DHX57: variants seen among roughly 807,000 people sequenced by gnomAD.
DHX57 encodes the protein putative ATP-dependent RNA helicase DHX57.
Under a neutral mutation model 156.2 loss-of-function variants are expected in DHX57, and 105 were observed. The observed-to-expected ratio is 0.67, with a 90% CI of 0.57 to 0.79. The LOEUF (loss-of-function observed/expected upper bound fraction) is 0.79. Ranked by LOEUF, DHX57 falls within the 30% of genes least tolerant of loss-of-function variation. The pLI is 0.00. For synonymous variants in DHX57, 704 were observed against 595.6 expected (o/e 1.18, Z -2.65); for missense variants, 1,847 against 1,661.9 (o/e 1.11, Z -1.94).
At chr2:38,827,485 C>CAAAAAAAA (rs1196817843) in intron 14 of DHX57, among the ~76,000 whole-genome samples, 2 of 8,512 alleles carry the variant, frequency 2.3e-4, no homozygotes, top group African/African-American at 5.2e-4. Context: ...GACTCTGTCT[C>CAAAAAAAA]AAAAAAAAAA....
chr2:38,827,527 TATATATAC>T (rs1351283006), intron 14 of DHX57, among the ~76,000 whole-genome samples: 14 of 55,494 alleles, frequency 2.5e-4, no homozygotes, highest in South Asian at 1.3e-3. Context: ...TATATATATA[TATATATAC>T]ACACATACAT....
At chr2:38,807,907 A>G (rs1343174728) in intron 21 of DHX57, among the ~76,000 whole-genome samples, 1 of 148,288 alleles carries the variant, frequency 6.7e-6, no homozygotes, top group Non-Finnish European at 1.5e-5. Flanking sequence ...CTGTCTCCCA[A>G]AGTGCTGGGA....
chr2:38,854,570 T>TTC (rs1293968651), intron 8 of DHX57: 1 of 157,536 alleles, frequency 6.3e-6, no homozygotes, highest in African/African-American at 2.4e-5. Flanking sequence ...TTTTTTTTTT[T>TTC]TTTTTTTTGA....
chr2:38,875,728 G>T (rs1389481432), intron 1 of DHX57, 59 bp downstream of exon 1: 3 of 274,940 alleles, frequency 1.1e-5, no homozygotes, highest in Non-Finnish European at 1.4e-5. Context: ...GACAAACAGG[G>T]TGACGCGCAC....
intron 16 of DHX57, among the ~76,000 whole-genome samples, chr2:38,824,001 ACT>A (rs1317613080): frequency 1.3e-5 from 2 of 150,606 alleles, no homozygotes; most frequent in African/African-American, 2.4e-5. Flanking sequence ...ACTGAGCAAG[ACT>A]CTGTTTCCAC....
At chr2:38,822,081 T>A (rs2148557678) in intron 17 of DHX57, among the ~76,000 whole-genome samples, 1 of 152,260 alleles carries the variant, frequency 6.6e-6, no homozygotes, top group East Asian at 1.9e-4. Flanking sequence ...TACTAAACAT[T>A]TAATGATAAT....
chr2:38,859,778 T>A (rs1673091662), intron 5 of DHX57, among the ~76,000 whole-genome samples: 1 of 151,280 alleles, frequency 6.6e-6, no homozygotes, highest in South Asian at 2.1e-4. Flanking sequence ...CTTTTGTTTC[T>A]CTGGAAGAAA....
intron 20 of DHX57, 87 bp downstream of exon 20, chr2:38,815,434 A>G: frequency 6.5e-7 from 1 of 1,547,056 alleles, no homozygotes; most frequent in Non-Finnish European, 8.8e-7. Context: ...GGCTTAAGTG[A>G]AGAAGAATGT....
rs1665185168 is a variant in DHX57 at position 38,868,304 on chromosome 2, A to G, written c.102T>C (p.His34=). Residue 34 remains histidine (H), a synonymous_variant, in exon 2 of 24, where the codon CAT becomes CAC. Coordinates refer to ENST00000457308, the MANE Select transcript of DHX57 (RefSeq NM_198963.3). The part of the protein sequence containing the change: ...RGGRSHASKS[H]GSGGGGGGGG... ...CACCACCGCCACCGCCACCACTCCC[A>G]TGAGATTTACTGGCGTGACTCCTGC... 3 of 1,494,274 alleles carry G rather than the reference A, an allele frequency of 2.0e-6. No homozygotes were observed. The highest frequency in any genetic ancestry group is 2.7e-6 in the Non-Finnish European group (3 of 1,104,312). 92.6% of individuals were successfully genotyped at this position (1,494,274 alleles called of 1,614,324 possible).
In DHX57 at chr2:38,823,231, T is replaced by C. The variant is rs116823078; in HGVS notation, c.3053A>G (p.Gln1018Arg). The C allele has an allele frequency of 1.9e-4, 312 of 1,614,132 alleles. No homozygotes were observed. In the African/African-American group the frequency reaches 3.7e-3, roughly 19 times the overall value. Reference protein sequence around the residue: ...ILEMFSAHNLQSVFSRLIEPP... With the variant: ...ILEMFSAHNLRSVFSRLIEPP... ...TTCAATGAGCCGAGAGAACACAGAC[T>C]GGAGATTATGAGCACTAAACATCTC... Residue 1018 changes from glutamine to arginine, a missense_variant, in exon 17 of 24, where the codon CAG becomes CGG. Transcript: ENST00000457308.
chr2:38,824,552 G>C (rs1042295027), intron 16 of DHX57, among the ~76,000 whole-genome samples: 6 of 152,152 alleles, frequency 3.9e-5, no homozygotes, highest in Admixed American at 3.3e-4. Flanking sequence ...AACTTAGATA[G>C]TTCTGACTGC....
At chr2:38,837,205 A>G (rs1387432859) in intron 13 of DHX57, among the ~76,000 whole-genome samples, 1 of 152,170 alleles carries the variant, frequency 6.6e-6, no homozygotes, top group South Asian at 2.1e-4. Flanking sequence ...CTGAGCCTTA[A>G]CTATACTGTG....
intron 21 of DHX57, among the ~76,000 whole-genome samples, chr2:38,812,892 G>C (rs1670339617): frequency 6.6e-6 from 1 of 150,956 alleles, no homozygotes; most frequent in Non-Finnish European, 1.5e-5. Context: ...CTGTGGCCCA[G>C]GCTGGGGTAC....
chr2:38,821,568 C>A (rs1318843734), intron 17 of DHX57, among the ~76,000 whole-genome samples: 1 of 152,102 alleles, frequency 6.6e-6, no homozygotes, highest in Non-Finnish European at 1.5e-5. Flanking sequence ...TGGCACACAC[C>A]TGTAATCCCA....
chr2:38,802,147 C>T (rs1218039788), intron 23 of DHX57, among the ~76,000 whole-genome samples: 1 of 152,172 alleles, frequency 6.6e-6, no homozygotes, highest in African/African-American at 2.4e-5. Context: ...TTTACAGCTT[C>T]TGTCCTAGCC....
chr2:38,801,711 C>G (rs996534599), intron 23 of DHX57, among the ~76,000 whole-genome samples: 5 of 152,172 alleles, frequency 3.3e-5, no homozygotes, highest in African/African-American at 9.7e-5. Context: ...TCTCCTGCCT[C>G]AGCATCCTGA....
chr2:38,802,858 C>A lies in DHX57; in HGVS notation c.3874G>T (p.Val1292Leu). Reference sequence around the variant, plus strand: ...ACCATGCTGCAGTCTCGGATGAATACTCGACTAGTTTTTATCTTCTCGTGG... The same window carrying A: ...ACCATGCTGCAGTCTCGGATGAATAATCGACTAGTTTTTATCTTCTCGTGG... ...LYHEKIKTSR[V>L]FIRDCSMVSV... Residue 1292 changes from valine (V) to leucine (L), a missense_variant, in exon 23 of 24, where the codon GTA (valine) becomes TTA (leucine). Coordinates refer to ENST00000457308, the MANE Select transcript of DHX57 (RefSeq NM_198963.3). The A allele has an allele frequency of 6.2e-7, 1 of 1,614,162 alleles. No individual in the cohort carries two copies. The highest frequency in any genetic ancestry group is 8.5e-7 in the Non-Finnish European group (1 of 1,180,022).
chr2:38,873,922 T>G (rs1223444301), intron 1 of DHX57, among the ~76,000 whole-genome samples: 2 of 152,122 alleles, frequency 1.3e-5, no homozygotes, highest in Admixed American at 1.3e-4. Context: ...GAATGAGCCA[T>G]GAAATAGTCA....
At chr2:38,843,541 CTCT>C (rs1672121528) in intron 11 of DHX57, among the ~76,000 whole-genome samples, 1 of 152,166 alleles carries the variant, frequency 6.6e-6, no homozygotes, top group African/African-American at 2.4e-5. Context: ...CTTATTGATC[CTCT>C]TGTTTCTATG....
Sources: gnomAD v4.1 joint callset for allele counts (sites outside exome capture counted in the v4.1 genomes callset) on GRCh38, gnomAD v4.1.1 for gene constraint, MANE v1.5 for transcripts, NCBI Gene and HGNC (gene_info 2026-07-23, HGNC 2026-07-21) for gene names.